FAM135B: variants seen among roughly 807,000 people sequenced by gnomAD.
The protein encoded by FAM135B is family with sequence similarity 135 member B.
Under a neutral mutation model 127.7 loss-of-function variants are expected in FAM135B, and 43 were observed. The ratio of observed to expected loss-of-function variants is 0.34; its 90% CI spans 0.26 to 0.43. The LOEUF (loss-of-function observed/expected upper bound fraction) is 0.43. Ranked by LOEUF, FAM135B falls within the 20% of genes least tolerant of loss-of-function variation. FAM135B has a pLI of 1.00. For synonymous variants in FAM135B, 670 were observed against 665.1 expected (o/e 1.01, Z -0.11); for missense variants, 1,558 against 1,725.6 (o/e 0.90, Z 1.72).
intron 1 of FAM135B, among the ~76,000 whole-genome samples, chr8:138,419,509 T>C (rs1225108529): frequency 6.6e-6 from 1 of 152,128 alleles, no homozygotes; most frequent in Admixed American, 6.5e-5. Context: ...CAAAGTGACC[T>C]AACAGACATC....
At chr8:138,281,691 C>T (rs2130744516) in intron 3 of FAM135B, among the ~76,000 whole-genome samples, 1 of 152,250 alleles carries the variant, frequency 6.6e-6, no homozygotes, top group South Asian at 2.1e-4. Flanking sequence ...GGTCACCTCC[C>T]TGTAAATTGG....
rs547496568 is a variant in FAM135B at position 138,435,894 on chromosome 8, G to T, written c.-20+60777C>A. On this transcript the variant is annotated intron_variant, in intron 1 of 19. Transcript: ENST00000395297. ...AACTGAAGTAAGCAATTCCAATCAT[G>T]ATTCAAGACTGGGGATCTGGATTTA... 3.2e-3 allele frequency among the ~76,000 whole-genome samples: 487 copies of T among 152,294 alleles called. 9 individuals are homozygous for T. The highest frequency in any genetic ancestry group is 4.0e-3 in the Admixed American group (61 of 15,302).
At chr8:138,452,901 G>C (rs763785704) in intron 1 of FAM135B, among the ~76,000 whole-genome samples, 3 of 152,132 alleles carry the variant, frequency 2.0e-5, no homozygotes, top group Non-Finnish European at 4.4e-5. Context: ...CATGACAGTT[G>C]GTTTGGCCAG....
chr8:138,408,012 T>C (rs1214776060), intron 1 of FAM135B, among the ~76,000 whole-genome samples: 2 of 152,230 alleles, frequency 1.3e-5, no homozygotes, highest in Non-Finnish European at 2.9e-5. Flanking sequence ...AGATGTGCTG[T>C]AATCCAGGCT....
intron 5 of FAM135B, among the ~76,000 whole-genome samples, chr8:138,253,365 C>T (rs1821847221): frequency 1.3e-5 from 2 of 152,210 alleles, no homozygotes; most frequent in African/African-American, 4.8e-5. Context: ...AGCAGGGTTT[C>T]CTCACCTCAT....
intron 4 of FAM135B, 25 bp from the exon 5 acceptor site, chr8:138,256,784 G>C (rs1822130407): frequency 1.3e-6 from 2 of 1,589,158 alleles, no homozygotes; most frequent in Middle Eastern, 1.7e-4. Context: ...AAGTCCAAGG[G>C]ATTTCAGGAG....
intron 1 of FAM135B, among the ~76,000 whole-genome samples, chr8:138,427,790 C>A (rs1834981676): frequency 6.6e-6 from 1 of 152,108 alleles, no homozygotes; most frequent in African/African-American, 2.4e-5. Flanking sequence ...ATTCCCTGAT[C>A]ATTTTCCATA....
intron 1 of FAM135B, chr8:138,440,040 A>G (rs906916032): frequency 6.6e-6 from 1 of 152,220 alleles, no homozygotes; most frequent in Non-Finnish European, 1.5e-5. Context: ...TGTGATGAAC[A>G]AGGCTAAGAA....
chr8:138,456,366 T>C (rs1203746916), intron 1 of FAM135B, among the ~76,000 whole-genome samples: 2 of 152,228 alleles, frequency 1.3e-5, no homozygotes, highest in East Asian at 3.9e-4. Flanking sequence ...AACTGCAGAT[T>C]TGCAATTTGC....
chr8:138,439,687 T>A (rs1835653957), intron 1 of FAM135B: 1 of 152,196 alleles, frequency 6.6e-6, no homozygotes, highest in Admixed American at 6.5e-5. Context: ...CTCTCCCAGG[T>A]GCTTCACAGC....
At chr8:138,301,084 G>C (rs1356158294) in intron 3 of FAM135B, among the ~76,000 whole-genome samples, 2 of 152,028 alleles carry the variant, frequency 1.3e-5, no homozygotes, top group Non-Finnish European at 2.9e-5. Context: ...AGGAGATCTG[G>C]GAGTCAGGAT....
Position 138,486,404 on chromosome 8 carries a change from A to G in FAM135B, c.-20+10267T>C, listed in dbSNP as rs147728567. ...CCTGGAGGGCTGTAATTGAAATACT[A>G]ATTAATGTAGTGGATGCTACTGCTG... On this transcript the variant is annotated intron_variant, in intron 1 of 19. Transcript: ENST00000395297. 2.8e-3 allele frequency among the ~76,000 whole-genome samples: 419 copies of G among 152,234 alleles called. 3 individuals are homozygous for G. The highest frequency in any genetic ancestry group is 9.8e-3 in the African/African-American group (405 of 41,532).
At chr8:138,466,038 C>T (rs4909797) in intron 1 of FAM135B, among the ~76,000 whole-genome samples, 65,476 of 151,960 alleles carry the variant, frequency 0.43, 16,016 homozygotes, top group East Asian at 0.76. Flanking sequence ...GGCCTCCCAA[C>T]GTGCTGGGAT....
intron 5 of FAM135B, among the ~76,000 whole-genome samples, chr8:138,252,809 G>A (rs1821792651): frequency 6.6e-6 from 1 of 152,066 alleles, no homozygotes; most frequent in Non-Finnish European, 1.5e-5. Context: ...TTTAGTTTTT[G>A]GAGATGGAGT....
intron 11 of FAM135B, among the ~76,000 whole-genome samples, chr8:138,168,604 G>T (rs1820155536): frequency 6.6e-6 from 1 of 151,996 alleles, no homozygotes; most frequent in African/African-American, 2.4e-5. Flanking sequence ...GTAAGATGAA[G>T]AAAAAATGTC....
chr8:138,420,938 C>A (rs932353494), intron 1 of FAM135B, among the ~76,000 whole-genome samples: 1 of 152,170 alleles, frequency 6.6e-6, no homozygotes, highest in East Asian at 1.9e-4. Context: ...TGGAACCACA[C>A]AAGGCTGCCA....
chr8:138,201,596 GT>G (rs1484450879), intron 7 of FAM135B, among the ~76,000 whole-genome samples: 2 of 152,194 alleles, frequency 1.3e-5, no homozygotes, highest in African/African-American at 4.8e-5. Context: ...CGGTGTCAGA[GT>G]GGACGGGCCA....
At chr8:138,258,146 A>G (rs1822249197) in intron 4 of FAM135B, among the ~76,000 whole-genome samples, 1 of 152,212 alleles carries the variant, frequency 6.6e-6, no homozygotes, top group Non-Finnish European at 1.5e-5. Flanking sequence ...CTCCAGAAAT[A>G]GTGTCTGCTG....
intron 14 of FAM135B, 91 bp from the exon 15 acceptor site, chr8:138,146,141 C>T: frequency 1.5e-6 from 1 of 678,002 alleles, no homozygotes; most frequent in Non-Finnish European, 2.6e-6. Context: ...TCCCTCTTTC[C>T]CCATTTCTAC....
Sources: allele counts gnomAD v4.1 joint callset (sites outside exome capture counted in the v4.1 genomes callset), GRCh38; gene constraint gnomAD v4.1.1; transcripts MANE v1.5; gene names NCBI Gene and HGNC (gene_info 2026-07-23, HGNC 2026-07-21).